Variants in PCM1 observed in about 807,000 individuals in gnomAD.
PCM1 encodes pericentriolar material 1 protein.
In PCM1, 157 loss-of-function variants were observed where a neutral mutation model predicts 241.9. That is an observed-to-expected ratio of 0.65 (90% confidence interval 0.57 to 0.74). The LOEUF is 0.74. PCM1 is among the 30% of genes least tolerant of loss of function. PCM1 has a pLI of 0.00. For synonymous variants in PCM1, 1,085 were observed against 784.9 expected, an observed-to-expected ratio of 1.38 and a Z score of -6.39; for missense variants, 3,478 against 2,360.1, an observed-to-expected ratio of 1.47 and a Z score of -9.81.
At chr8:18,021,430 A>C (rs2093744736) in intron 36 of PCM1, among the ~76,000 whole-genome samples, 1 of 152,216 alleles carries the variant, frequency 6.6e-6, no homozygotes, top group African/African-American at 2.4e-5. Context: ...TGCCACCCTC[A>C]TTGAGGTATC....
intron 29 of PCM1, among the ~76,000 whole-genome samples, chr8:18,004,834 G>A (rs751819381): frequency 1.2e-4 from 18 of 151,986 alleles, no homozygotes; most frequent in Non-Finnish European, 1.5e-4. Context: ...CTTTTGCTTA[G>A]ACTACCTGTC....
rs1463651499 is a variant in PCM1 at position 17,980,638 on chromosome 8, A to G, written c.3991A>G (p.Arg1331Gly). ...TAGCACATGTGAACCTTGCAAAAGT[A>G]GGAACAGACATTCAGCCCAGACTGA... ...MSSTCEPCKS[R>G]NRHSAQTEEP... Residue 1331 changes from arginine to glycine, a missense_variant, in exon 24 of 39, where the codon AGG becomes GGG. Arg to Gly is a moderately radical substitution (Grantham distance 125). Coordinates refer to ENST00000325083, the MANE Select transcript of PCM1 (RefSeq NM_006197.4). The G allele has an allele frequency of 4.3e-6, 7 of 1,613,156 alleles. No homozygotes were observed. Among genetic ancestry groups the G allele is most frequent in the Non-Finnish European group, 5.1e-6 (6 of 1,179,542 alleles).
chr8:17,944,692 A>T (rs945064586), intron 6 of PCM1, among the ~76,000 whole-genome samples: 6 of 151,996 alleles, frequency 3.9e-5, no homozygotes, highest in African/African-American at 1.4e-4. Context: ...TATTACTCCT[A>T]CCTAGATATT....
intron 38 of PCM1, among the ~76,000 whole-genome samples, chr8:18,025,935 C>T (rs977495382): frequency 1.1e-4 from 17 of 151,834 alleles, no homozygotes; most frequent in African/African-American, 2.7e-4. Context: ...GAGGCCAAGG[C>T]GGGTGGATCA....
chr8:17,947,249 T>C lies in PCM1; in HGVS notation c.847T>C (p.Leu283=), dbSNP rs1297901817. The C allele has an allele frequency of 6.2e-7, 1 of 1,611,178 alleles. No homozygotes were observed. Among genetic ancestry groups the C allele is most frequent in the African/African-American group, 1.3e-5 (1 of 74,968 alleles). Residue 283 remains leucine (L), a synonymous_variant, in exon 7 of 39, where the codon TTA becomes CTA. Coordinates refer to ENST00000325083, the MANE Select transcript of PCM1 (RefSeq NM_006197.4). ...AAATTTGAAGAAACAACATGATTTA[T>C]TAAAAAGAATGTTACAACAGCAGGA... ...IENLKKQHDL[L]KRMLQQQEQL... is the part of the protein sequence containing the mutation.
chr8:17,937,014 G>A (rs2060622005), intron 3 of PCM1, 120 bp from the exon 4 acceptor site: 4 of 717,254 alleles, frequency 5.6e-6, no homozygotes, highest in Non-Finnish European at 6.8e-6. Flanking sequence ...AGGAGTATAA[G>A]TCTGTCAAAA....
chr8:18,011,506 A>C, intron 33 of PCM1, 140 bp downstream of exon 33: 1 of 1,057,228 alleles, frequency 9.5e-7, no homozygotes, highest in Middle Eastern at 3.1e-4. Flanking sequence ...CCCTGACTAA[A>C]TTATCTAGAC....
At chr8:17,998,953 C>A (rs569638881) in intron 29 of PCM1, among the ~76,000 whole-genome samples, 1 of 152,124 alleles carries the variant, frequency 6.6e-6, no homozygotes, top group Non-Finnish European at 1.5e-5. Context: ...TGACCACCGG[C>A]CCATGAGTTC....
chr8:17,935,739 G>C (rs1322775802), intron 3 of PCM1, 33 bp downstream of exon 3: 1 of 978,374 alleles, frequency 1.0e-6, no homozygotes, highest in South Asian at 1.3e-5. Flanking sequence ...GTGTGTTGTT[G>C]GCTATTAATG....
intron 36 of PCM1, 98 bp downstream of exon 36, chr8:18,014,938 G>A (rs2092979593): frequency 2.8e-6 from 3 of 1,079,062 alleles, no homozygotes; most frequent in South Asian, 1.7e-5. Context: ...ACCATTTTGT[G>A]TTTAGGTTTA....
chr8:17,987,621 C>G lies in PCM1; in HGVS notation c.4410+1534C>G, dbSNP rs1373123310. ...ATTACTTTTAATTAAGTAACTAAAT[C>G]AGTTCTTTGATATTTCTTCCAAAAC... On this transcript the variant is annotated intron_variant, in intron 26 of 38. Transcript: ENST00000325083. Among the ~76,000 whole-genome samples the G allele has an allele frequency of 3.3e-5, 5 of 151,776 alleles. No individual in the cohort carries two copies. In the South Asian group the frequency reaches 8.3e-4, roughly 25 times the overall value.
In PCM1 at chr8:18,020,755, T is replaced by C. The variant is rs751616582; in HGVS notation, c.5842-4606T>C. The stretch of plus-strand genomic sequence containing the variant: ...CCCGAAGAATTACGTGATCTAAGAC[T>C]TAACCATATAGCAAAATGCCAATCA... On this transcript the variant is annotated intron_variant, in intron 36 of 38. Transcript: ENST00000325083. Among the ~76,000 whole-genome samples, 6 of 152,348 alleles carry C rather than the reference T, an allele frequency of 3.9e-5. No individual in the cohort carries two copies. The South Asian group carries it at 6.2e-4, about 16-fold the overall frequency.
chr8:17,936,162 A>G (rs1380665133), intron 3 of PCM1, among the ~76,000 whole-genome samples: 1 of 152,164 alleles, frequency 6.6e-6, no homozygotes, highest in Non-Finnish European at 1.5e-5. Flanking sequence ...TGTACTGACT[A>G]GTTACCTCTT....
chr8:17,955,476 C>G lies in PCM1; in HGVS notation c.1295C>G (p.Pro432Arg). 6.2e-7 allele frequency: 1 copy of G among 1,601,982 alleles called. No homozygotes were observed. The highest frequency in any genetic ancestry group is 1.1e-5 in the South Asian group (1 of 88,470). Reference sequence around the variant, plus strand: ...GTTGTTGTGCCTTCTTCAGCCTCTCCACAAAGGAGTGTCGATCAGAGAAGT... The same window carrying G: ...GTTGTTGTGCCTTCTTCAGCCTCTCGACAAAGGAGTGTCGATCAGAGAAGT... Reference protein sequence around the residue: ...DQHLNNSSSSPQRSVDQRSTS... With the variant: ...DQHLNNSSSSRQRSVDQRSTS... The change falls in exon 10 of 39, where the codon CCA (proline) becomes CGA (arginine). Residue 432 changes from proline to arginine, a missense_variant. By Grantham distance (103) the Pro-to-Arg change is moderately radical (BLOSUM62 -2). Transcript: ENST00000325083.
At chr8:18,016,429 C>T (rs1182389350) in intron 36 of PCM1, among the ~76,000 whole-genome samples, 1 of 151,518 alleles carries the variant, frequency 6.6e-6, no homozygotes, top group Non-Finnish European at 1.5e-5. Flanking sequence ...TACACTTTAC[C>T]AGAGAAGAGA....
chr8:18,009,121 T>C lies in PCM1; in HGVS notation c.4963-426T>C, dbSNP rs111979291. On this transcript the variant is annotated intron_variant, in intron 30 of 38. Coordinates refer to ENST00000325083, the MANE Select transcript of PCM1 (RefSeq NM_006197.4). ...TTTTGAAGAAAAATTTAAATTAGAA[T>C]GGTTGTCTTAAGTAAAGGTGGAAGC... Among the ~76,000 whole-genome samples, 8 of 151,982 alleles carry C rather than the reference T, an allele frequency of 5.3e-5. No homozygotes were observed. In the South Asian group the frequency reaches 1.7e-3, roughly 32 times the overall value.
At chr8:18,000,742 C>A (rs2089071432) in intron 29 of PCM1, among the ~76,000 whole-genome samples, 1 of 152,140 alleles carries the variant, frequency 6.6e-6, no homozygotes, top group Non-Finnish European at 1.5e-5. Flanking sequence ...CCACCTCAGC[C>A]TCCCAAGTAT....
intron 36 of PCM1, among the ~76,000 whole-genome samples, chr8:18,022,103 G>C (rs914993934): frequency 5.9e-5 from 9 of 152,102 alleles, no homozygotes; most frequent in Non-Finnish European, 2.9e-5. Context: ...TCACAATGCA[G>C]CAAAACTTCA....
At chr8:17,965,645 G>C (rs1171258793) in intron 18 of PCM1, among the ~76,000 whole-genome samples, 1 of 152,208 alleles carries the variant, frequency 6.6e-6, no homozygotes, top group African/African-American at 2.4e-5. Flanking sequence ...ATAACAGATG[G>C]TGAAGTAGAT....
Sources: allele counts gnomAD v4.1 joint callset (sites outside exome capture counted in the v4.1 genomes callset), GRCh38; gene constraint gnomAD v4.1.1; transcripts MANE v1.5; gene names NCBI Gene and HGNC (gene_info 2026-07-23, HGNC 2026-07-21).